XPNPEP1: variants seen among roughly 807,000 people sequenced by gnomAD.
XPNPEP1 encodes the protein X-prolyl aminopeptidase 1.
A neutral mutation model predicts 92.4 loss-of-function variants in XPNPEP1; 39 were observed. That is an observed-to-expected ratio of 0.42 (90% confidence interval 0.33 to 0.55). XPNPEP1 has a LOEUF of 0.55. Among genes scored for constraint, XPNPEP1 ranks in the 20% least tolerant of loss-of-function variants. The pLI is 0.08. For synonymous variants in XPNPEP1, 307 were observed against 299.4 expected, an observed-to-expected ratio of 1.03 and a Z score of -0.26; for missense variants, 654 against 856.1, an observed-to-expected ratio of 0.76 and a Z score of 2.95.
chr10:109,915,707 C>G (rs1311014859), intron 1 of XPNPEP1, among the ~76,000 whole-genome samples: 2 of 152,160 alleles, frequency 1.3e-5, no homozygotes, highest in Non-Finnish European at 2.9e-5. Context: ...GCTTCTAAGA[C>G]TTTCACATTA....
chr10:109,904,563 A>T (rs904086117), intron 3 of XPNPEP1, among the ~76,000 whole-genome samples: 1 of 152,214 alleles, frequency 6.6e-6, no homozygotes, highest in Non-Finnish European at 1.5e-5. Flanking sequence ...CAGAGTGCAC[A>T]TCAGCATATT....
chr10:109,886,141 A>C, intron 8 of XPNPEP1, 105 bp downstream of exon 8: 10 of 1,129,496 alleles, frequency 8.9e-6, no homozygotes, highest in Non-Finnish European at 1.3e-5. Flanking sequence ...TCTTCTTCTT[A>C]TTCCCTGGCC....
At chr10:109,887,294 C>G (rs1848446251) in intron 7 of XPNPEP1, among the ~76,000 whole-genome samples, 1 of 152,350 alleles carries the variant, frequency 6.6e-6, no homozygotes, top group African/African-American at 2.4e-5. Flanking sequence ...CGCAATACCC[C>G]TCTGGTGAGG....
chr10:109,910,861 A>G (rs1208176100), intron 2 of XPNPEP1, among the ~76,000 whole-genome samples: 2 of 152,232 alleles, frequency 1.3e-5, no homozygotes, highest in Non-Finnish European at 2.9e-5. Flanking sequence ...ATAACTCTGT[A>G]AGTAACACAG....
chr10:109,923,345 CCGCGCAGCGAGGGCTGCA>C, intron 1 of XPNPEP1, 39 bp downstream of exon 1: 1 of 1,393,586 alleles, frequency 7.2e-7, no homozygotes, highest in Non-Finnish European at 9.3e-7. Context: ...ACACGCGCGG[CCGCGCAGCGAGGGCTGCA>C]CGCTGCCCGG....
At chr10:109,866,688 A>G (rs1372608804) in intron 20 of XPNPEP1, among the ~76,000 whole-genome samples, 1 of 152,244 alleles carries the variant, frequency 6.6e-6, no homozygotes, top group Non-Finnish European at 1.5e-5. Flanking sequence ...CCATCTGGTG[A>G]TAAGTGATGA....
chr10:109,921,444 T>C (rs1031754324), intron 1 of XPNPEP1, among the ~76,000 whole-genome samples: 2 of 152,228 alleles, frequency 1.3e-5, no homozygotes, highest in Non-Finnish European at 2.9e-5. Flanking sequence ...AAGATGGTTA[T>C]GGTAGCACTA....
Position 109,893,006 on chromosome 10 carries a change from A to T in XPNPEP1, c.310+6T>A, listed in dbSNP as rs199902180. Reference sequence around the variant, plus strand: ...CAGCAAGAACAGAGAAAAAGTAGTGACTCACCCGCAGAGCCATCGAATCCA... The same window carrying T: ...CAGCAAGAACAGAGAAAAAGTAGTGTCTCACCCGCAGAGCCATCGAATCCA... On this transcript the variant is annotated splice_donor_region_variant and intron_variant, in intron 4 of 20. Coordinates refer to ENST00000502935, the MANE Select transcript of XPNPEP1 (RefSeq NM_020383.4). 3.7e-6 allele frequency: 6 copies of T among 1,613,162 alleles called. No homozygotes were observed. Among genetic ancestry groups the T allele is most frequent in the Non-Finnish European group, 5.1e-6 (6 of 1,179,618 alleles).
At position 109,882,576 on chromosome 10, in the gene XPNPEP1, A is replaced by G; in HGVS notation, c.897T>C (p.Gly299=). The change falls in exon 10 of 21, where the codon GGT becomes GGC. Residue 299 remains glycine (G), a synonymous_variant. Coordinates refer to ENST00000502935, the MANE Select transcript of XPNPEP1 (RefSeq NM_020383.4). The stretch of plus-strand genomic sequence containing the variant: ...CCTGGATCCTGTATTCGGCTTCCAG[A>G]CCCAAGTCAAGAAGCAGGTGCTCCT... The part of the protein sequence containing the change: ...SVKEHLLLDL[G]LEAEYRIQVH... The G allele has an allele frequency of 6.2e-7, 1 of 1,614,110 alleles. No individual in the cohort carries two copies. Among genetic ancestry groups the G allele is most frequent in the Non-Finnish European group, 8.5e-7 (1 of 1,180,022 alleles).
rs536241319 is a variant in XPNPEP1, at chr10:109,872,410, C to T, written c.1453-549G>A. 2.0e-4 allele frequency among the ~76,000 whole-genome samples: 31 copies of T among 152,350 alleles called. No homozygotes were observed. The South Asian group carries it at 6.4e-3, about 32-fold the overall frequency. On this transcript the variant is annotated intron_variant, in intron 16 of 20. Coordinates refer to ENST00000502935, the MANE Select transcript of XPNPEP1 (RefSeq NM_020383.4). Reference sequence around the variant, plus strand: ...TATCTTCAGGGGTTATCCCCACTGTCCGGACAAGAGAAGTGCTACTCAGAA... The same window carrying T: ...TATCTTCAGGGGTTATCCCCACTGTTCGGACAAGAGAAGTGCTACTCAGAA...
chr10:109,901,341 A>G (rs1031384346), intron 3 of XPNPEP1, among the ~76,000 whole-genome samples: 4 of 151,992 alleles, frequency 2.6e-5, no homozygotes, highest in African/African-American at 9.7e-5. Context: ...GCACACCAAC[A>G]TGGCACATGT....
At chr10:109,890,593 TGAGAGAGAGAGAGAGAGAGAGA>T (rs34618002) in intron 5 of XPNPEP1, among the ~76,000 whole-genome samples, 2 of 104,106 alleles carry the variant, frequency 1.9e-5, no homozygotes, top group East Asian at 6.2e-4. Context: ...TGTGTGTGTG[TGAGAGAGAGAGAGAGAGAGAGA>T]GAGAGAGAGA....
chr10:109,900,615 C>T (rs1849231238), intron 3 of XPNPEP1, among the ~76,000 whole-genome samples: 1 of 152,168 alleles, frequency 6.6e-6, no homozygotes, highest in South Asian at 2.1e-4. Context: ...CCTACCCCTC[C>T]TCTCCGCTCC....
chr10:109,866,656 A>G (rs1847160637), intron 20 of XPNPEP1, among the ~76,000 whole-genome samples: 1 of 152,240 alleles, frequency 6.6e-6, no homozygotes, highest in Non-Finnish European at 1.5e-5. Flanking sequence ...CCATATTCAT[A>G]TCTGACCAAG....
chr10:109,891,375 T>A (rs1973972), intron 5 of XPNPEP1: 49,683 of 169,540 alleles, frequency 0.29, 7,753 homozygotes, highest in Admixed American at 0.46. Flanking sequence ...CTGTTGCCAA[T>A]GACTCCTTGC....
At chr10:109,900,344 A>G (rs1200115927) in intron 3 of XPNPEP1, among the ~76,000 whole-genome samples, 1 of 152,128 alleles carries the variant, frequency 6.6e-6, no homozygotes, top group Non-Finnish European at 1.5e-5. Context: ...CAGCCTCTCT[A>G]TTACTGAGGA....
At chr10:109,873,234 T>A (rs560730770) in intron 16 of XPNPEP1, 133 bp downstream of exon 16, 37 of 994,650 alleles carry the variant, frequency 3.7e-5, no homozygotes, top group Non-Finnish European at 5.2e-5. Context: ...CAGATAAGCC[T>A]GACTCCACAG....
intron 1 of XPNPEP1, among the ~76,000 whole-genome samples, chr10:109,921,749 C>T (rs143844275): frequency 0.013 from 1,909 of 152,300 alleles, 30 homozygotes; most frequent in South Asian, 0.098. Context: ...CCAAGGGGTT[C>T]AAAGCAGTCT....
chr10:109,918,824 A>G (rs919605290), intron 1 of XPNPEP1, among the ~76,000 whole-genome samples: 1 of 141,718 alleles, frequency 7.1e-6, no homozygotes, highest in Non-Finnish European at 1.5e-5. Context: ...GAAAGGAAAG[A>G]AAGGAAAGGA....
Sources: allele counts gnomAD v4.1 joint callset (sites outside exome capture counted in the v4.1 genomes callset), GRCh38; gene constraint gnomAD v4.1.1; transcripts MANE v1.5; gene names NCBI Gene and HGNC (gene_info 2026-07-23, HGNC 2026-07-21).